CBY1: variants seen among roughly 807,000 people sequenced by gnomAD.
The protein encoded by CBY1 is chibby 1, beta catenin antagonist.
CBY1 carries 10 observed loss-of-function variants against 15.6 expected under a neutral mutation model. The observed-to-expected ratio is 0.64, with a 90% CI of 0.40 to 1.09. CBY1 has a LOEUF of 1.09. CBY1 is among the 50% of genes least tolerant of loss of function. The pLI, the probability that CBY1 is intolerant of heterozygous loss-of-function variation, is 0.01. For missense variants in CBY1, 150 were observed against 160.5 expected (o/e 0.93, Z 0.35); for synonymous variants, 61 against 63.5 (o/e 0.96, Z 0.19).
At chr22:38,668,904 A>G (rs2092444657) in intron 2 of CBY1, among the ~76,000 whole-genome samples, 1 of 152,204 alleles carries the variant, frequency 6.6e-6, no homozygotes, top group South Asian at 2.1e-4. Context: ...GGAGCAGGCC[A>G]GGCAGAGGCT....
At chr22:38,673,070 C>T in intron 4 of CBY1, 89 bp from the exon 5 acceptor site, 2 of 813,954 alleles carry the variant, frequency 2.5e-6, no homozygotes, top group South Asian at 2.9e-5. Flanking sequence ...TGGCAGGGGG[C>T]CTTTCCTCCG....
chr22:38,671,523 G>A, intron 4 of CBY1: 1 of 313,144 alleles, frequency 3.2e-6, no homozygotes. Context: ...AGGAATAGAG[G>A]TTAGATGAAG....
At chr22:38,662,605 C>T (rs1297902573) in intron 1 of CBY1, among the ~76,000 whole-genome samples, 1 of 152,086 alleles carries the variant, frequency 6.6e-6, no homozygotes, top group South Asian at 2.1e-4. Flanking sequence ...ATCCTCCCAC[C>T]TCTGCCTCCT....
chr22:38,663,424 G>A (rs189045693), intron 1 of CBY1, among the ~76,000 whole-genome samples: 2 of 150,220 alleles, frequency 1.3e-5, no homozygotes, highest in African/African-American at 4.9e-5. Context: ...GGCCGGACGC[G>A]GTGGCCCACA....
At chr22:38,668,380 T>C (rs1436617311) in intron 2 of CBY1, 1 of 378,498 alleles carries the variant, frequency 2.6e-6, no homozygotes. Context: ...ATTTTTTTTT[T>C]CTTTTTTGAG....
At position 38,668,205 on chromosome 22, in the gene CBY1, T is replaced by C. The variant is rs2092442609; in HGVS notation, c.78+73T>C. On this transcript the variant is annotated intron_variant, in intron 2 of 4. Coordinates refer to ENST00000216029, the MANE Select transcript of CBY1 (RefSeq NM_015373.4). ...GCTGAGCGTGTCTCTGAATGGAAAG[T>C]GTGGTCCTCCAGAGGCATCAGTGCA... 4 of 894,754 alleles carry C rather than the reference T, an allele frequency of 4.5e-6. 1 individual carries two copies. The highest frequency in any genetic ancestry group is 3.9e-5 in the South Asian group (3 of 76,574). The allele number at this position is 894,754 out of a possible 1,614,324, so 55.4% of individuals were successfully genotyped here. A position where few individuals can be genotyped will look rare whatever the true frequency, so the allele number is the denominator to read the frequency against.
intron 1 of CBY1, among the ~76,000 whole-genome samples, chr22:38,660,802 A>T (rs937517612): frequency 0.023 from 10 of 434 alleles, no homozygotes; most frequent in Non-Finnish European, 0.033. Context: ...CAATGACACG[A>T]TCTCCCTCAC....
intron 4 of CBY1, 95 bp from the exon 5 acceptor site, chr22:38,673,064 A>AG: frequency 1.3e-6 from 1 of 775,966 alleles, no homozygotes; most frequent in Non-Finnish European, 2.2e-6. Context: ...GAGAAGTGGC[A>AG]GGGGGCCTTT....
chr22:38,662,751 CT>C (rs1274715727), intron 1 of CBY1, among the ~76,000 whole-genome samples: 1 of 152,006 alleles, frequency 6.6e-6, no homozygotes, highest in African/African-American at 2.4e-5. Context: ...CTGCCTCTGC[CT>C]CCCAAAGTGC....
intron 1 of CBY1, among the ~76,000 whole-genome samples, chr22:38,660,494 C>T (rs1329125721): frequency 6.6e-6 from 1 of 151,832 alleles, no homozygotes; most frequent in Admixed American, 6.6e-5. Context: ...CACACCAGGC[C>T]GAAAATGCAT....
At chr22:38,665,378 C>T (rs962319954) in intron 1 of CBY1, among the ~76,000 whole-genome samples, 1 of 152,112 alleles carries the variant, frequency 6.6e-6, no homozygotes, top group Non-Finnish European at 1.5e-5. Flanking sequence ...ATGGGAGGAT[C>T]ACCTGAGCCT....
At chr22:38,658,446 C>T (rs760128343) in intron 1 of CBY1, among the ~76,000 whole-genome samples, 5 of 148,780 alleles carry the variant, frequency 3.4e-5, no homozygotes, top group Admixed American at 6.8e-5. Context: ...TTAATACACA[C>T]ATATATTACT....
At chr22:38,658,036 A>C (rs769885954) in intron 1 of CBY1, among the ~76,000 whole-genome samples, 8 of 152,154 alleles carry the variant, frequency 5.3e-5, no homozygotes, top group Non-Finnish European at 1.2e-4. Flanking sequence ...TAAAATGACA[A>C]GTTCATTCAA....
At chr22:38,670,113 C>T (rs1218355729) in intron 2 of CBY1, 1 of 152,254 alleles carries the variant, frequency 6.6e-6, no homozygotes, top group Non-Finnish European at 1.5e-5. Context: ...GCCTGTAGTC[C>T]CAGCTACTCG....
intron 1 of CBY1, among the ~76,000 whole-genome samples, chr22:38,663,524 T>G (rs1407912569): frequency 6.8e-6 from 1 of 146,196 alleles, no homozygotes; most frequent in African/African-American, 2.5e-5. Flanking sequence ...AGAGAAACCC[T>G]GTCTCTACTA....
At chr22:38,668,577 G>A in intron 2 of CBY1, 1 of 157,818 alleles carries the variant, frequency 6.3e-6, no homozygotes, top group Middle Eastern at 3.2e-3. Flanking sequence ...CACCATGTTG[G>A]CCAGGCTGGT....
chr22:38,671,984 C>G (rs2145788776), intron 4 of CBY1, among the ~76,000 whole-genome samples: 1 of 149,740 alleles, frequency 6.7e-6, no homozygotes, highest in South Asian at 2.1e-4. Context: ...AAGGACTAGG[C>G]TGGGCATGAT....
intron 2 of CBY1, chr22:38,669,775 G>A (rs2092447164): frequency 6.6e-6 from 1 of 152,272 alleles, no homozygotes; most frequent in Admixed American, 6.5e-5. Context: ...CCGAATCGGG[G>A]TGGGTGCTCA....
chr22:38,662,111 G>C (rs2092423734), intron 1 of CBY1, among the ~76,000 whole-genome samples: 1 of 152,096 alleles, frequency 6.6e-6, no homozygotes, highest in South Asian at 2.1e-4. Flanking sequence ...TGACCAGCCT[G>C]GGCAACATGG....
Sources: gnomAD v4.1 joint callset for allele counts (sites outside exome capture counted in the v4.1 genomes callset) on GRCh38, gnomAD v4.1.1 for gene constraint, MANE v1.5 for transcripts, NCBI Gene and HGNC (gene_info 2026-07-23, HGNC 2026-07-21) for gene names.